The following LRRC56 variants were observed in gnomAD, a reference collection of about 807,000 sequenced individuals.
The protein encoded by LRRC56 is leucine rich repeat containing 56.
A neutral mutation model predicts 47.8 loss-of-function variants in LRRC56; 41 were observed. The observed-to-expected ratio is 0.86, with a 90% CI of 0.67 to 1.11. LRRC56 has a LOEUF of 1.11. Ranked by LOEUF, LRRC56 falls within the 50% of genes most tolerant of loss-of-function variation. The pLI, the probability that LRRC56 is intolerant of heterozygous loss-of-function variation, is 0.00. For synonymous variants in LRRC56, 387 were observed against 311.2 expected (o/e 1.24, Z -2.56); for missense variants, 759 against 704.2 (o/e 1.08, Z -0.88).
chr11:527,633 G>C, the LRRC56 span, among the ~76,000 whole-genome samples: 4 of 151,424 alleles, frequency 2.6e-5, no homozygotes, highest in African/African-American at 9.7e-5. Flanking sequence ...CCAGGTTCAC[G>C]CCATTCTCCT....
At chr11:545,096 C>T (rs1192297566) in intron 6 of LRRC56, among the ~76,000 whole-genome samples, 5 of 152,188 alleles carry the variant, frequency 3.3e-5, no homozygotes, top group East Asian at 3.8e-4. Context: ...GTCTCTGGCT[C>T]AGCCCAGATG....
In LRRC56 at chr11:552,647, G is replaced by A. The variant is rs765165269; in HGVS notation, c.1260G>A (p.Glu420=). 12 of 1,611,818 alleles carry A rather than the reference G, an allele frequency of 7.4e-6. No homozygotes were observed. Among genetic ancestry groups the A allele is most frequent in the Non-Finnish European group, 5.1e-6 (6 of 1,179,400 alleles). The stretch of plus-strand genomic sequence containing the variant: ...GGGGCCCACGGAGGGTCCCTGAAGA[G>A]CAAGTGCACCAGGCAGAGCCCAAGA... ...APWGPRRVPE[E]QVHQAEPKTP... The change falls in exon 13 of 14, where the codon GAG becomes GAA. Residue 420 remains glutamate (E), a synonymous_variant. Transcript: ENST00000270115.
At chr11:549,808 C>A (rs2134058053) in intron 6 of LRRC56, 94 bp from the exon 7 acceptor site, 1 of 1,085,096 alleles carries the variant, frequency 9.2e-7, no homozygotes, top group Non-Finnish European at 1.4e-6. Context: ...CATAGGTGGT[C>A]ACACCTGCCC....
At chr11:532,787 C>G (rs113344415), upstream of LRRC56, 8 of 1,607,526 alleles carry the variant, frequency 5.0e-6, no homozygotes, top group Middle Eastern at 3.3e-4. Flanking sequence ...CAGGAGGGAC[C>G]GGCCTGTGGC....
chr11:525,452 T>G, the LRRC56 span, among the ~76,000 whole-genome samples: 1 of 150,788 alleles, frequency 6.6e-6, no homozygotes, highest in African/African-American at 2.4e-5. Flanking sequence ...GGCAGGAGAA[T>G]GGCGTGAACC....
At chr11:519,191 CT>C in the LRRC56 span, among the ~76,000 whole-genome samples, 1 of 152,254 alleles carries the variant, frequency 6.6e-6, no homozygotes, top group Admixed American at 6.5e-5. Context: ...CAGTTCACCC[CT>C]GAGCCGCGCG....
intron 3 of LRRC56, 67 bp from the exon 4 acceptor site, chr11:540,607 G>T: frequency 7.0e-7 from 1 of 1,418,530 alleles, no homozygotes; most frequent in Non-Finnish European, 9.7e-7. Context: ...CTGGGCCAGG[G>T]TCTCAGCCGG....
intron 12 of LRRC56, 118 bp from the exon 13 acceptor site, chr11:552,451 C>G (rs1564808270): frequency 8.4e-7 from 1 of 1,197,360 alleles, no homozygotes. Flanking sequence ...GTGGGGGGAT[C>G]AGGGCTGGGG....
At chr11:512,146 G>A in the LRRC56 span, among the ~76,000 whole-genome samples, 540 of 152,126 alleles carry the variant, frequency 3.5e-3, 1 homozygote, top group Non-Finnish European at 5.1e-3. Flanking sequence ...GTTTCACCAC[G>A]TTGGACAGGC....
chr11:522,511 C>T, the LRRC56 span, among the ~76,000 whole-genome samples: 8 of 152,118 alleles, frequency 5.3e-5, no homozygotes, highest in Non-Finnish European at 1.0e-4. Flanking sequence ...CGTGATTCGC[C>T]CACCTCGGCC....
the LRRC56 span, among the ~76,000 whole-genome samples, chr11:518,621 C>T: frequency 6.6e-6 from 1 of 152,108 alleles, no homozygotes; most frequent in East Asian, 1.9e-4. Context: ...CCCTGCCCGG[C>T]CGCCTGTTCA....
the LRRC56 span, among the ~76,000 whole-genome samples, chr11:510,240 G>C: frequency 1.8e-4 from 27 of 152,192 alleles, no homozygotes; most frequent in Non-Finnish European, 3.2e-4. Flanking sequence ...GAAGGCCTAA[G>C]TCAGACCCCG....
At chr11:527,149 A>C in the LRRC56 span, among the ~76,000 whole-genome samples, 1 of 151,666 alleles carries the variant, frequency 6.6e-6, no homozygotes, top group Non-Finnish European at 1.5e-5. Context: ...AAATACAAAA[A>C]AATTAGCCGG....
At chr11:514,307 G>T in the LRRC56 span, among the ~76,000 whole-genome samples, 4 of 150,068 alleles carry the variant, frequency 2.7e-5, no homozygotes, top group African/African-American at 9.9e-5. Context: ...TTTTTTTTGA[G>T]ACGAGGTCTT....
At chr11:532,430 CCCTT>C in the LRRC56 span, 215 of 712,182 alleles carry the variant, frequency 3.0e-4, no homozygotes, top group Non-Finnish European at 3.9e-4. Flanking sequence ...GCTCCAGCAG[CCCTT>C]CCTTCCTTCC....
At position 552,089 on chromosome 11, in the gene LRRC56, G is replaced by C. The variant is rs745514227; in HGVS notation, c.1039-1G>C. 1.5e-5 allele frequency: 24 copies of C among 1,610,048 alleles called. No individual in the cohort carries two copies. The highest frequency in any genetic ancestry group is 2.5e-6 in the Non-Finnish European group (3 of 1,177,952). ...CTAAAGCAGTCCCTTTTCCTCCCCA[G>C]GCCAGGGAGCCCCCCGAGCAGCTGC... is the stretch of plus-strand genomic sequence containing the variant. On this transcript the variant is annotated splice_acceptor_variant, in intron 11 of 13. Coordinates refer to ENST00000270115, the MANE Select transcript of LRRC56 (RefSeq NM_198075.4). LOFTEE classifies it high-confidence loss of function.
chr11:552,637 T>G lies in LRRC56; in HGVS notation c.1250T>G (p.Val417Gly). The change falls in exon 13 of 14, where the codon GTC (valine) becomes GGC (glycine). Residue 417 changes from valine to glycine, a missense_variant. Val to Gly is a moderately radical substitution (Grantham distance 109). Coordinates refer to ENST00000270115, the MANE Select transcript of LRRC56 (RefSeq NM_198075.4). ...GTAGCCCCCTGGGGCCCACGGAGGG[T>G]CCCTGAAGAGCAAGTGCACCAGGCA... The part of the protein sequence containing the change: ...GAVAPWGPRR[V>G]PEEQVHQAEP... The G allele has an allele frequency of 1.2e-6, 2 of 1,610,638 alleles. No homozygotes were observed. Among genetic ancestry groups the G allele is most frequent in the Non-Finnish European group, 1.7e-6 (2 of 1,178,964 alleles).
At chr11:553,912 T>C in intron 13 of LRRC56, 51 bp from the exon 14 acceptor site, 1 of 1,559,554 alleles carries the variant, frequency 6.4e-7, no homozygotes, top group Non-Finnish European at 8.7e-7. Flanking sequence ...ACCGGGTGAC[T>C]CCCTTCCCTG....
the LRRC56 span, among the ~76,000 whole-genome samples, chr11:525,398 C>G: frequency 2.3e-3 from 348 of 151,060 alleles, 1 homozygote; most frequent in Admixed American, 4.5e-3. Context: ...AATTAGCCGG[C>G]CGTGGTGGCG....
Sources: allele counts gnomAD v4.1 joint callset (sites outside exome capture counted in the v4.1 genomes callset), GRCh38; gene constraint gnomAD v4.1.1; transcripts MANE v1.5; gene names NCBI Gene and HGNC (gene_info 2026-07-23, HGNC 2026-07-21).